The following JPH2 variants were observed in gnomAD, a reference collection of about 807,000 sequenced individuals.
JPH2 encodes junctophilin 2.
In JPH2, 38 loss-of-function variants were observed where a neutral mutation model predicts 55.9. That is an observed-to-expected ratio of 0.68 (90% confidence interval 0.52 to 0.89). JPH2 has a LOEUF of 0.89. JPH2 is among the 40% of genes least tolerant of loss of function. The pLI, the probability that JPH2 is intolerant of heterozygous loss-of-function variation, is 0.00. For synonymous variants in JPH2, 480 were observed against 472.4 expected (o/e 1.02, Z -0.21); for missense variants, 964 against 1,037.6 (o/e 0.93, Z 0.97).
chr20:44,173,706 G>A (rs916806849), intron 1 of JPH2, among the ~76,000 whole-genome samples: 3 of 152,082 alleles, frequency 2.0e-5, no homozygotes, highest in African/African-American at 7.2e-5. Context: ...ACGAGGTCAG[G>A]AGTTCAAGAC....
chr20:44,118,670 A>G, intron 2 of JPH2, 47 bp from the exon 3 acceptor site: 6 of 1,471,770 alleles, frequency 4.1e-6, no homozygotes, highest in Non-Finnish European at 4.7e-6. Flanking sequence ...CCAGAGAACC[A>G]GCCTTCTGCC....
rs1210804204 is a variant in JPH2, at chr20:44,160,688, A to G, written c.380-281T>C. 6.6e-6 allele frequency among the ~76,000 whole-genome samples: 1 copy of G among 152,204 alleles called. No homozygotes were observed. The highest frequency in any genetic ancestry group is 1.5e-5 in the Non-Finnish European group (1 of 68,028). On this transcript the variant is annotated intron_variant, in intron 1 of 5. Transcript: ENST00000372980. This position sits in a 1 kb window ranked among gnomAD's most constrained non-coding sequence, Gnocchi z 4.9. ...TGAACGGATAAGCTAGTGAGTTCGCATGGTAGTGCAAATGTTGGAGAGCAT... is the reference window on the plus strand; with the variant it reads ...TGAACGGATAAGCTAGTGAGTTCGCGTGGTAGTGCAAATGTTGGAGAGCAT...
chr20:44,177,375 C>A, intron 1 of JPH2: 1 of 987,650 alleles, frequency 1.0e-6, no homozygotes. Context: ...TTAGCAGGTC[C>A]CGGAAACAAG....
At chr20:44,132,359 C>G (rs868458321) in intron 2 of JPH2, among the ~76,000 whole-genome samples, 12 of 82,312 alleles carry the variant, frequency 1.5e-4, no homozygotes, top group East Asian at 3.3e-4. Context: ...CAGACAGACA[C>G]ACACACACAC....
At chr20:44,120,838 A>G (rs1264775902) in intron 2 of JPH2, among the ~76,000 whole-genome samples, 1 of 152,234 alleles carries the variant, frequency 6.6e-6, no homozygotes, top group Admixed American at 6.5e-5. Context: ...CATGGGGCCC[A>G]TGGGCAAGGG....
intron 2 of JPH2, among the ~76,000 whole-genome samples, chr20:44,130,748 G>A (rs772817053): frequency 2.0e-5 from 3 of 152,342 alleles, no homozygotes; most frequent in South Asian, 2.1e-4. Flanking sequence ...GTGCGCTGAC[G>A]TCACTTTGCT....
intron 2 of JPH2, among the ~76,000 whole-genome samples, chr20:44,128,052 T>C (rs1230456783): frequency 1.3e-5 from 2 of 152,332 alleles, no homozygotes; most frequent in African/African-American, 4.8e-5. Flanking sequence ...CAAATAGTTT[T>C]CCCATTCTCT....
intron 2 of JPH2, among the ~76,000 whole-genome samples, chr20:44,134,185 A>AATAT (rs1412292832): frequency 1.9e-4 from 3 of 15,978 alleles, no homozygotes; most frequent in Admixed American, 1.4e-3. Flanking sequence ...TAAATATATA[A>AATAT]ATATTTATTA....
In JPH2 at chr20:44,114,815, AAG is replaced by A; in HGVS notation, c.2070_2071del (p.Phe691CysfsTer20). The A allele has an allele frequency of 1.2e-6, 2 of 1,606,714 alleles. No individual in the cohort carries two copies. The highest frequency in any genetic ancestry group is 1.7e-6 in the Non-Finnish European group (2 of 1,177,312). ...CGACGGTCAGGTCAGGAGGTGAACA[AAG>A]AGGATGGCCAGGCCGATGTTCAGCA... On this transcript the variant is annotated frameshift_variant, in exon 5 of 6. Coordinates refer to ENST00000372980, the MANE Select transcript of JPH2 (RefSeq NM_020433.5). LOFTEE classifies it high-confidence loss of function.
At position 44,149,428 on chromosome 20, in the gene JPH2, C is replaced by T. The variant is rs150303529; in HGVS notation, c.1169+10190G>A. Among the ~76,000 whole-genome samples, 459 of 152,348 alleles carry T rather than the reference C, an allele frequency of 3.0e-3. 1 individual carries two copies. Among genetic ancestry groups the T allele is most frequent in the East Asian group, 5.8e-3 (30 of 5,190 alleles). On this transcript the variant is annotated intron_variant, in intron 2 of 5. Transcript: ENST00000372980. ...ATAGCACACATATATGATTTCTCCG[C>T]CTGCATAATATTTGTCGTGTGTGTG...
At chr20:44,114,035 T>C (rs562683762) in intron 5 of JPH2, among the ~76,000 whole-genome samples, 8 of 152,344 alleles carry the variant, frequency 5.3e-5, no homozygotes, top group Non-Finnish European at 1.0e-4. Context: ...GAAACCCTGT[T>C]ATTATTGCCA....
chr20:44,124,013 G>A (rs1462331275), intron 2 of JPH2, among the ~76,000 whole-genome samples: 1 of 152,172 alleles, frequency 6.6e-6, no homozygotes. Context: ...GTGAGGGTCT[G>A]GAGGATGGCT....
chr20:44,156,800 A>T (rs1013459705), intron 2 of JPH2, among the ~76,000 whole-genome samples: 1 of 152,230 alleles, frequency 6.6e-6, no homozygotes, highest in African/African-American at 2.4e-5. Context: ...AAATTTCGAC[A>T]TGAGTTTTGG....
chr20:44,174,479 A>C (rs567988217), intron 1 of JPH2, among the ~76,000 whole-genome samples: 1 of 152,312 alleles, frequency 6.6e-6, no homozygotes, highest in East Asian at 1.9e-4. Context: ...CTTTTTAAAA[A>C]TTGCAAAAGT....
intron 2 of JPH2, among the ~76,000 whole-genome samples, chr20:44,145,603 CAAAA>C (rs200580349): frequency 3.1e-4 from 36 of 117,996 alleles, no homozygotes; most frequent in Non-Finnish European, 1.8e-5. Flanking sequence ...AACTCGATCT[CAAAA>C]AAAAAAAAAA....
chr20:44,162,787 T>TATATACACAC (rs1311653754), intron 1 of JPH2, among the ~76,000 whole-genome samples: 1 of 41,004 alleles, frequency 2.4e-5, no homozygotes, highest in African/African-American at 1.2e-4. Flanking sequence ...TATATATATA[T>TATATACACAC]ACACACACAC....
At chr20:44,129,550 C>A (rs1394804622) in intron 2 of JPH2, among the ~76,000 whole-genome samples, 2 of 88,796 alleles carry the variant, frequency 2.3e-5, no homozygotes, top group Admixed American at 1.3e-4. Context: ...GCCAGGCTGT[C>A]TCAAAAAAAA....
intron 2 of JPH2, among the ~76,000 whole-genome samples, chr20:44,148,860 G>A (rs1023246051): frequency 6.6e-6 from 1 of 151,970 alleles, no homozygotes; most frequent in East Asian, 1.9e-4. Flanking sequence ...TCAGGAGATC[G>A]AGACCATCCT....
At chr20:44,140,948 A>G (rs1357756007) in intron 2 of JPH2, among the ~76,000 whole-genome samples, 1 of 152,164 alleles carries the variant, frequency 6.6e-6, no homozygotes, top group Non-Finnish European at 1.5e-5. Flanking sequence ...AACGAGTGTT[A>G]TCTAACCCCA....
Sources: allele counts gnomAD v4.1 joint callset (sites outside exome capture counted in the v4.1 genomes callset), GRCh38; gene constraint gnomAD v4.1.1; non-coding constraint Gnocchi (gnomAD v3.1); transcripts MANE v1.5; gene names NCBI Gene and HGNC (gene_info 2026-07-23, HGNC 2026-07-21).